The following SLC27A1 variants were observed in gnomAD, a reference collection of about 807,000 sequenced individuals.
SLC27A1 encodes solute carrier family 27 member 1.
A neutral mutation model predicts 62.2 loss-of-function variants in SLC27A1; 61 were observed. The ratio of observed to expected loss-of-function variants is 0.98; its 90% CI spans 0.80 to 1.21. The LOEUF is 1.21. SLC27A1 is among the 50% of genes most tolerant of loss of function. SLC27A1 has a pLI of 0.00. For synonymous variants in SLC27A1, 435 were observed against 408.6 expected (o/e 1.06, Z -0.78); for missense variants, 903 against 932.1 (o/e 0.97, Z 0.41).
At position 17,500,366 on chromosome 19, in the gene SLC27A1, T is replaced by C; in HGVS notation, c.1295T>C (p.Leu432Pro). Residue 432 changes from leucine (L) to proline (P), a missense_variant, in exon 8 of 12, where the codon CTG becomes CCG. Coordinates refer to ENST00000252595, the MANE Select transcript of SLC27A1 (RefSeq NM_198580.3). Reference protein sequence around the residue: ...VKVNEDTMELLRDAQGLCIPC... With the variant: ...VKVNEDTMELPRDAQGLCIPC... ...GTCAATGAGGACACAATGGAGCTGCTGCGGGATGCCCAGGGCCTCTGCATC... is the reference window on the plus strand; with the variant it reads ...GTCAATGAGGACACAATGGAGCTGCCGCGGGATGCCCAGGGCCTCTGCATC... The C allele has an allele frequency of 1.2e-6, 2 of 1,614,188 alleles. No individual in the cohort carries two copies. The highest frequency in any genetic ancestry group is 1.7e-6 in the Non-Finnish European group (2 of 1,180,018).
chr19:17,501,186 C>T, intron 10 of SLC27A1, 87 bp from the exon 11 acceptor site: 1 of 1,535,032 alleles, frequency 6.5e-7, no homozygotes, highest in South Asian at 1.2e-5. Context: ...AGATTACAGA[C>T]CAGGGGCTAC....
At chr19:17,483,507 ATATCCCAAAAG>A (rs1464055276) in intron 1 of SLC27A1, among the ~76,000 whole-genome samples, 1 of 152,072 alleles carries the variant, frequency 6.6e-6, no homozygotes, top group Non-Finnish European at 1.5e-5. Context: ...CAGCCTGCTC[ATATCCCAAAAG>A]TAGCCAGAGG....
At chr19:17,484,616 A>C (rs1322639041) in intron 1 of SLC27A1, among the ~76,000 whole-genome samples, 2 of 151,970 alleles carry the variant, frequency 1.3e-5, no homozygotes, top group Non-Finnish European at 2.9e-5. Context: ...GGGGGGAAAG[A>C]ATGAATGACG....
intron 1 of SLC27A1, among the ~76,000 whole-genome samples, chr19:17,481,040 T>C (rs1463350316): frequency 6.0e-5 from 9 of 150,148 alleles, no homozygotes; most frequent in Non-Finnish European, 8.9e-5. Context: ...ATTCTCCTGC[T>C]TCAGCCTCCC....
In SLC27A1 at chr19:17,504,745, A is replaced by G. The variant is rs2144630080; in HGVS notation, c.*133A>G. On this transcript the variant is annotated 3_prime_UTR_variant, in exon 12 of 12. Coordinates refer to ENST00000252595, the MANE Select transcript of SLC27A1 (RefSeq NM_198580.3). ...CTGTACCTGGCACGGCCCATCCTGG[A>G]CTGAGAAACTGGAACCTCAGAGGAA... 1.7e-6 allele frequency: 2 copies of G among 1,194,462 alleles called. No homozygotes were observed. The highest frequency in any genetic ancestry group is 1.2e-6 in the Non-Finnish European group (1 of 831,660). 74.0% of individuals were successfully genotyped at this position (1,194,462 alleles called of 1,614,324 possible).
intron 11 of SLC27A1, among the ~76,000 whole-genome samples, chr19:17,502,216 C>T (rs966774634): frequency 6.6e-6 from 1 of 152,070 alleles, no homozygotes. Flanking sequence ...CTGGGACTGA[C>T]ACAAGGGCTC....
At chr19:17,500,007 C>A (rs1453821824) in intron 7 of SLC27A1, 3 of 512,642 alleles carry the variant, frequency 5.9e-6, no homozygotes, top group Admixed American at 3.7e-5. Context: ...GAGGCATCTA[C>A]TTCCTGCCAG....
intron 1 of SLC27A1, among the ~76,000 whole-genome samples, chr19:17,474,357 T>C (rs114543433): frequency 0.011 from 1,719 of 152,328 alleles, 25 homozygotes; most frequent in African/African-American, 0.039. Flanking sequence ...CACTCAGGAT[T>C]GGCGCACAGC....
chr19:17,472,370 G>A (rs1326823099), intron 1 of SLC27A1, among the ~76,000 whole-genome samples: 2 of 150,716 alleles, frequency 1.3e-5, no homozygotes, highest in African/African-American at 2.4e-5. Flanking sequence ...AGTCCAGCTT[G>A]GGCGACAGAG....
chr19:17,493,172 G>T lies in SLC27A1; in HGVS notation c.996+4055G>T, dbSNP rs539925948. Reference sequence around the variant, plus strand: ...GACAGGGCCGGGCGCGGCGGCTCACGCCTGTAATCCCAGCACTTTGGGAAG... The same window carrying T: ...GACAGGGCCGGGCGCGGCGGCTCACTCCTGTAATCCCAGCACTTTGGGAAG... On this transcript the variant is annotated intron_variant, in intron 6 of 11. Coordinates refer to ENST00000252595, the MANE Select transcript of SLC27A1 (RefSeq NM_198580.3). 4.6e-5 allele frequency among the ~76,000 whole-genome samples: 7 copies of T among 150,920 alleles called. No homozygotes were observed. In the South Asian group the frequency reaches 1.5e-3, roughly 32 times the overall value.
At position 17,486,696 on chromosome 19, in the gene SLC27A1, GGCGA is replaced by G; in HGVS notation, c.303_306del (p.Glu102AlafsTer14). 2 of 1,611,682 alleles carry G rather than the reference GGCGA, an allele frequency of 1.2e-6. No individual in the cohort carries two copies. Among genetic ancestry groups the G allele is most frequent in the Non-Finnish European group, 1.7e-6 (2 of 1,179,646 alleles). Reference sequence around the variant, plus strand: ...CCTGGCGCTGGTGGATGCCGGGACCGGCGAGTGCTGGACCTTTGCGCAGCTGGAC... The same window carrying G: ...CCTGGCGCTGGTGGATGCCGGGACCGGTGCTGGACCTTTGCGCAGCTGGAC... On this transcript the variant is annotated frameshift_variant, in exon 2 of 12. Coordinates refer to ENST00000252595, the MANE Select transcript of SLC27A1 (RefSeq NM_198580.3). LOFTEE classifies it high-confidence loss of function. This position sits in a 1 kb window ranked among gnomAD's most constrained non-coding sequence, Gnocchi z 6.6.
chr19:17,481,442 G>GAGT (rs1261947998), intron 1 of SLC27A1, among the ~76,000 whole-genome samples: 2 of 150,458 alleles, frequency 1.3e-5, no homozygotes, highest in Non-Finnish European at 2.9e-5. Context: ...TCAGCCTCCT[G>GAGT]AGTAGCTGGG....
intron 6 of SLC27A1, chr19:17,492,475 T>G (rs1401805181): frequency 1.3e-5 from 2 of 151,748 alleles, no homozygotes; most frequent in Admixed American, 1.3e-4. Context: ...GGAAATTAGC[T>G]AGGCATGGTG....
In SLC27A1 at chr19:17,505,603, C is replaced by T. The variant is rs1264432284; in HGVS notation, c.*991C>T. ...ATTGACTGTGACCACTTGGATGTCA[C>T]CACTGTCAGCCCCTGCCTTGATGTC... On this transcript the variant is annotated 3_prime_UTR_variant, in exon 12 of 12. Coordinates refer to ENST00000252595, the MANE Select transcript of SLC27A1 (RefSeq NM_198580.3). 6.5e-6 allele frequency: 1 copy of T among 153,104 alleles called. No individual in the cohort carries two copies. The highest frequency in any genetic ancestry group is 6.5e-5 in the Admixed American group (1 of 15,338). 9.5% of individuals were successfully genotyped at this position (153,104 alleles called of 1,614,324 possible). A position where few individuals can be genotyped will look rare whatever the true frequency, so the allele number is the denominator to read the frequency against.
chr19:17,497,219 C>T (rs747153196), intron 6 of SLC27A1, 36 bp from the exon 7 acceptor site: 5 of 1,551,194 alleles, frequency 3.2e-6, no homozygotes, highest in Admixed American at 2.2e-5. Flanking sequence ...CACCGCCTGC[C>T]GGTCCCATCA....
chr19:17,487,274 C>T lies in SLC27A1; in HGVS notation c.663C>T (p.Asp221=), dbSNP rs1209041874. The T allele has an allele frequency of 6.2e-7, 1 of 1,613,746 alleles. No homozygotes were observed. The highest frequency in any genetic ancestry group is 1.7e-5 in the Admixed American group (1 of 59,960). The change falls in exon 3 of 12, where the codon GAC becomes GAT. Residue 221 remains aspartate (D), a synonymous_variant. Transcript: ENST00000252595. ...TCTTGCCGGACACCCACCTCCTGGACCCGCTGCTGAAGGAGGCCTCTACTG... is the reference window on the plus strand; with the variant it reads ...TCTTGCCGGACACCCACCTCCTGGATCCGCTGCTGAAGGAGGCCTCTACTG... ...EGILPDTHLL[D]PLLKEASTAP...
Position 17,486,751 on chromosome 19 carries a change from T to A in SLC27A1, c.356T>A (p.Leu119His). The A allele has an allele frequency of 6.2e-7, 1 of 1,609,376 alleles. No homozygotes were observed. Among genetic ancestry groups the A allele is most frequent in the Non-Finnish European group, 8.5e-7 (1 of 1,177,698 alleles). ...GCCTACTCCAATGCGGTAGCCAACC[T>A]CTTCCGCCAGCTGGGCTTCGCGCCG... Reference protein sequence around the residue: ...LDAYSNAVANLFRQLGFAPGD... With the variant: ...LDAYSNAVANHFRQLGFAPGD... Residue 119 changes from leucine (L) to histidine (H), a missense_variant, in exon 2 of 12, where the codon CTC (leucine) becomes CAC (histidine). Transcript: ENST00000252595. The surrounding 1 kb of genome is among the most constrained non-coding windows in gnomAD (Gnocchi z 6.6).
In SLC27A1 at chr19:17,486,426, C is replaced by A; in HGVS notation, c.168-137C>A. The A allele has an allele frequency of 1.9e-6, 2 of 1,058,878 alleles. No homozygotes were observed. The highest frequency in any genetic ancestry group is 2.6e-6 in the Non-Finnish European group (2 of 758,350). The allele number at this position is 1,058,878 out of a possible 1,614,324, so 65.6% of individuals were successfully genotyped here. On this transcript the variant is annotated intron_variant, in intron 1 of 11. Coordinates refer to ENST00000252595, the MANE Select transcript of SLC27A1 (RefSeq NM_198580.3). The surrounding 1 kb of genome is among the most constrained non-coding windows in gnomAD (Gnocchi z 6.6). Reference sequence around the variant, plus strand: ...CTTGCCCTTGGTCCACTGAGAGATCCAGCCACCAAAAGTTTCACCATAGAC... The same window carrying A: ...CTTGCCCTTGGTCCACTGAGAGATCAAGCCACCAAAAGTTTCACCATAGAC...
At chr19:17,488,527 C>T (rs1392585641) in intron 4 of SLC27A1, among the ~76,000 whole-genome samples, 1 of 152,146 alleles carries the variant, frequency 6.6e-6, no homozygotes, top group Non-Finnish European at 1.5e-5. Context: ...ATGTGCTGTG[C>T]CTGGGCACTC....
Sources: allele counts gnomAD v4.1 joint callset (sites outside exome capture counted in the v4.1 genomes callset), GRCh38; gene constraint gnomAD v4.1.1; non-coding constraint Gnocchi (gnomAD v3.1); transcripts MANE v1.5; gene names NCBI Gene and HGNC (gene_info 2026-07-23, HGNC 2026-07-21).